Variants in SHISA9 observed in about 807,000 individuals in gnomAD.
SHISA9 encodes the protein shisa family member 9.
In SHISA9, 13 loss-of-function variants were observed where a neutral mutation model predicts 38.0. That is an observed-to-expected ratio of 0.34 (90% CI 0.22 to 0.54). SHISA9 has a LOEUF of 0.54. SHISA9 is among the 20% of genes least tolerant of loss of function. The pLI is 0.91. For synonymous variants in SHISA9, 275 were observed against 242.0 expected (o/e 1.14, Z -1.27); for missense variants, 538 against 575.8 (o/e 0.93, Z 0.67).
chr16:13,324,495 C>T, the SHISA9 span, among the ~76,000 whole-genome samples: 1 of 152,076 alleles, frequency 6.6e-6, no homozygotes, highest in African/African-American at 2.4e-5. Flanking sequence ...CAAATCCTAG[C>T]TCTACTACTC....
intron 2 of SHISA9, among the ~76,000 whole-genome samples, chr16:13,173,126 T>A (rs1229965634): frequency 6.7e-6 from 1 of 149,758 alleles, no homozygotes; most frequent in Non-Finnish European, 1.5e-5. Context: ...AAAGGAATTG[T>A]TTATCAGTCA....
the SHISA9 span, among the ~76,000 whole-genome samples, chr16:13,471,202 C>T: frequency 6.6e-6 from 1 of 152,022 alleles, no homozygotes; most frequent in African/African-American, 2.4e-5. Context: ...ACACAACACA[C>T]CCTTAATATG....
At chr16:13,241,817 T>C (rs1263084718), downstream of SHISA9, among the ~76,000 whole-genome samples, 2 of 152,162 alleles carry the variant, frequency 1.3e-5, no homozygotes, top group Non-Finnish European at 2.9e-5. Flanking sequence ...TGGGCTGTCT[T>C]TGGGGCACAG....
intron 2 of SHISA9, chr16:13,082,277 A>G (rs1221779028): frequency 1.3e-5 from 2 of 152,252 alleles, no homozygotes; most frequent in African/African-American, 4.8e-5. Context: ...AATTTATGCA[A>G]CTTATTGACT....
the SHISA9 span, among the ~76,000 whole-genome samples, chr16:13,530,796 G>A: frequency 2.0e-5 from 3 of 152,170 alleles, no homozygotes; most frequent in Non-Finnish European, 4.4e-5. Flanking sequence ...AGCTCCAAGG[G>A]TGACCTGATT....
chr16:13,000,724 T>C (rs1015352400), intron 2 of SHISA9, among the ~76,000 whole-genome samples: 2 of 152,160 alleles, frequency 1.3e-5, no homozygotes, highest in East Asian at 3.9e-4. Flanking sequence ...GAGTGCCTGG[T>C]GCATGGTAAG....
intron 2 of SHISA9, among the ~76,000 whole-genome samples, chr16:13,083,796 C>T (rs761210264): frequency 6.6e-6 from 1 of 152,074 alleles, no homozygotes; most frequent in Non-Finnish European, 1.5e-5. Context: ...TTTCCATAGA[C>T]GAAGGTGGCT....
At chr16:13,368,719 C>A in the SHISA9 span, among the ~76,000 whole-genome samples, 1 of 141,886 alleles carries the variant, frequency 7.0e-6, no homozygotes, top group South Asian at 2.3e-4. Context: ...GAGCAATGAC[C>A]TCCAAGGCAA....
At chr16:13,118,304 G>A (rs2074051274) in intron 2 of SHISA9, among the ~76,000 whole-genome samples, 1 of 152,122 alleles carries the variant, frequency 6.6e-6, no homozygotes. Context: ...AACCTGACAG[G>A]GAGGTATGTG....
the SHISA9 span, among the ~76,000 whole-genome samples, chr16:13,359,911 G>T: frequency 6.6e-6 from 1 of 152,190 alleles, no homozygotes; most frequent in South Asian, 2.1e-4. Flanking sequence ...TTCATGTTGA[G>T]CTGGTCCCCC....
chr16:13,399,710 C>A, the SHISA9 span, among the ~76,000 whole-genome samples: 1 of 152,194 alleles, frequency 6.6e-6, no homozygotes, highest in Non-Finnish European at 1.5e-5. Flanking sequence ...GGTCTTCCAG[C>A]ACAGAAATGA....
the SHISA9 span, among the ~76,000 whole-genome samples, chr16:13,542,350 C>T: frequency 6.6e-6 from 1 of 152,202 alleles, no homozygotes; most frequent in African/African-American, 2.4e-5. Flanking sequence ...AAGGACTCAC[C>T]ATGCACCAGG....
the SHISA9 span, among the ~76,000 whole-genome samples, chr16:13,313,499 T>C: frequency 6.6e-6 from 1 of 152,100 alleles, no homozygotes; most frequent in Admixed American, 6.6e-5. Context: ...TATTTAGCCA[T>C]ATGGAGGTAA....
At chr16:12,929,217 G>A (rs770997890) in intron 2 of SHISA9, among the ~76,000 whole-genome samples, 7 of 152,142 alleles carry the variant, frequency 4.6e-5, no homozygotes, top group Non-Finnish European at 1.0e-4. Context: ...CAACCATTGT[G>A]GGAGACAGTG....
the SHISA9 span, among the ~76,000 whole-genome samples, chr16:13,275,870 C>A: frequency 6.6e-6 from 1 of 151,576 alleles, no homozygotes; most frequent in African/African-American, 2.4e-5. Context: ...TTGATTAGTT[C>A]TAACTAGGTC....
At chr16:13,379,318 TA>T in the SHISA9 span, among the ~76,000 whole-genome samples, 1 of 152,212 alleles carries the variant, frequency 6.6e-6, no homozygotes, top group Non-Finnish European at 1.5e-5. Context: ...TGCTGCATAT[TA>T]AAATGCTTGC....
rs75765914 is a variant in SHISA9 at position 12,905,424 on chromosome 16, C to T, written c.563+2797C>T. Among the ~76,000 whole-genome samples the T allele has an allele frequency of 0.019, 2,943 of 151,664 alleles. 247 individuals are homozygous for T. The East Asian group carries it at 0.29, about 15-fold the overall frequency. ...TGAATCAATAGGTTCTGGGTGGGCCCGAGAAATCTTCATTTAACAACCCCC... is the reference window on the plus strand; with the variant it reads ...TGAATCAATAGGTTCTGGGTGGGCCTGAGAAATCTTCATTTAACAACCCCC... On this transcript the variant is annotated intron_variant, in intron 1 of 4. Transcript: ENST00000558583.
chr16:13,291,331 G>C, the SHISA9 span, among the ~76,000 whole-genome samples: 1 of 152,246 alleles, frequency 6.6e-6, no homozygotes, highest in South Asian at 2.1e-4. Context: ...CCAAGCTCTT[G>C]ATAAGACTAG....
chr16:13,179,812 A>G (rs1010617340), intron 2 of SHISA9, among the ~76,000 whole-genome samples: 2 of 152,242 alleles, frequency 1.3e-5, no homozygotes, highest in African/African-American at 4.8e-5. Context: ...CAAAGAGGAA[A>G]GGTTAGAGTG....
Sources: allele counts gnomAD v4.1 joint callset (sites outside exome capture counted in the v4.1 genomes callset), GRCh38; gene constraint gnomAD v4.1.1; transcripts MANE v1.5; gene names NCBI Gene and HGNC (gene_info 2026-07-23, HGNC 2026-07-21).